ZFHX3: variants seen among roughly 807,000 people sequenced by gnomAD.
ZFHX3 encodes the protein zinc finger homeobox 3.
A neutral mutation model predicts 279.1 loss-of-function variants in ZFHX3; 42 were observed. The ratio of observed to expected loss-of-function variants is 0.15; its 90% confidence interval spans 0.12 to 0.19. The LOEUF (loss-of-function observed/expected upper bound fraction) is 0.19, where lower values mean the gene tolerates loss of function less well. Ranked by LOEUF, ZFHX3 falls within the 10% of genes least tolerant of loss-of-function variation. The pLI is 1.00. For synonymous variants in ZFHX3, 2,293 were observed against 1,957.8 expected (o/e 1.17, Z -4.52); for missense variants, 4,981 against 4,754.0 (o/e 1.05, Z -1.40).
At chr16:73,737,514 C>A (rs2053619661) in intron 1 of ZFHX3, among the ~76,000 whole-genome samples, 1 of 152,160 alleles carries the variant, frequency 6.6e-6, no homozygotes, top group African/African-American at 2.4e-5. Flanking sequence ...ATTTTACCAT[C>A]ATGAAGAGTA....
intron 1 of ZFHX3, among the ~76,000 whole-genome samples, chr16:73,737,632 C>G (rs901775611): frequency 6.6e-6 from 1 of 152,016 alleles, no homozygotes; most frequent in African/African-American, 2.4e-5. Context: ...TCTGTGAAGG[C>G]CCCATCTACC....
At chr16:73,013,592 A>C (rs1353649906) in intron 1 of ZFHX3, among the ~76,000 whole-genome samples, 2 of 151,760 alleles carry the variant, frequency 1.3e-5, no homozygotes, top group Non-Finnish European at 1.5e-5. Context: ...CTGGCCAAAA[A>C]CCCTTTATAA....
chr16:72,942,808 T>A (rs767107013), intron 3 of ZFHX3, among the ~76,000 whole-genome samples: 1 of 152,196 alleles, frequency 6.6e-6, no homozygotes, highest in Non-Finnish European at 1.5e-5. Context: ...CAGCTCCTCT[T>A]TGCAGACTCT....
chr16:73,483,306 A>G, intron 2 of ZFHX3: 1 of 446,538 alleles, frequency 2.2e-6, no homozygotes. Flanking sequence ...TCCGAGAGAG[A>G]GCGAGAGACC....
chr16:73,424,580 A>AG (rs2017776451), intron 3 of ZFHX3, among the ~76,000 whole-genome samples: 3 of 151,972 alleles, frequency 2.0e-5, no homozygotes. Context: ...CCCTGTCTCT[A>AG]CAAAAAATGA....
rs116419933 is a variant in ZFHX3, at chr16:73,278,204, A to G, written c.-1193-21068T>C. Reference sequence around the variant, plus strand: ...CCAAGGAAGAAGTTTCTCAAACTAAATAATTATACTGATATTCTCCTAAGT... The same window carrying G: ...CCAAGGAAGAAGTTTCTCAAACTAAGTAATTATACTGATATTCTCCTAAGT... On this transcript the variant is annotated intron_variant, in intron 4 of 17. Transcript: ENST00000641206. Among the ~76,000 whole-genome samples the G allele has an allele frequency of 5.1e-3, 776 of 152,356 alleles. 10 individuals carry two copies. Among genetic ancestry groups the G allele is most frequent in the African/African-American group, 0.017 (708 of 41,590 alleles).
chr16:73,763,755 T>G (rs2053897099), intron 1 of ZFHX3, among the ~76,000 whole-genome samples: 1 of 152,072 alleles, frequency 6.6e-6, no homozygotes, highest in African/African-American at 2.4e-5. Context: ...CAAAAGAGAT[T>G]ATCATAGGTG....
At chr16:73,448,823 T>A (rs543783211) in intron 3 of ZFHX3, among the ~76,000 whole-genome samples, 1 of 152,068 alleles carries the variant, frequency 6.6e-6, no homozygotes, top group East Asian at 1.9e-4. Context: ...CTAATATGAA[T>A]TTTTTGATCC....
intron 2 of ZFHX3, among the ~76,000 whole-genome samples, chr16:73,477,003 A>G (rs1028501031): frequency 3.9e-5 from 6 of 152,234 alleles, no homozygotes; most frequent in African/African-American, 1.2e-4. Flanking sequence ...CTTCTGTCTC[A>G]AATGCCAATA....
intron 3 of ZFHX3, among the ~76,000 whole-genome samples, chr16:72,947,447 A>C (rs1960740400): frequency 6.6e-6 from 1 of 152,244 alleles, no homozygotes; most frequent in East Asian, 1.9e-4. Flanking sequence ...CGTGACAGCA[A>C]GGGCAGTGAC....
At chr16:73,666,148 G>C (rs1597055623) in intron 2 of ZFHX3, among the ~76,000 whole-genome samples, 1 of 151,836 alleles carries the variant, frequency 6.6e-6, no homozygotes, top group East Asian at 1.9e-4. Flanking sequence ...AGCGACCTGA[G>C]TGGCAGTTTG....
intron 8 of ZFHX3, among the ~76,000 whole-genome samples, chr16:73,076,588 T>C (rs1325431430): frequency 1.3e-5 from 2 of 152,216 alleles, no homozygotes; most frequent in Non-Finnish European, 2.9e-5. Flanking sequence ...ATAAAAGTAA[T>C]ATCATCACTG....
chr16:73,154,920 T>C (rs563953631), intron 5 of ZFHX3, among the ~76,000 whole-genome samples: 1 of 152,180 alleles, frequency 6.6e-6, no homozygotes, highest in African/African-American at 2.4e-5. Flanking sequence ...ACGTCTGTAA[T>C]CCTAGCACTT....
At chr16:73,579,084 G>A (rs1014489097) in intron 2 of ZFHX3, among the ~76,000 whole-genome samples, 1 of 152,174 alleles carries the variant, frequency 6.6e-6, no homozygotes, top group African/African-American at 2.4e-5. Flanking sequence ...CCCGCACCTG[G>A]AAGCTTCATC....
chr16:73,848,285 A>C (rs1327660422), intron 1 of ZFHX3, among the ~76,000 whole-genome samples: 1 of 152,010 alleles, frequency 6.6e-6, no homozygotes, highest in Non-Finnish European at 1.5e-5. Flanking sequence ...TCTTAGGAGC[A>C]CTCAGGAGCT....
intron 8 of ZFHX3, among the ~76,000 whole-genome samples, chr16:73,085,163 A>G (rs1255507262): frequency 1.3e-5 from 2 of 152,222 alleles, no homozygotes; most frequent in Non-Finnish European, 2.9e-5. Context: ...AGTAACCAAA[A>G]CAGCATGGTA....
Position 73,322,166 on chromosome 16 carries a change from T to G in ZFHX3, c.-1290-3830A>C, listed in dbSNP as rs147053458. Among the ~76,000 whole-genome samples the G allele has an allele frequency of 5.7e-4, 87 of 152,180 alleles. 1 individual carries two copies. Among genetic ancestry groups the G allele is most frequent in the African/African-American group, 2.0e-3 (84 of 41,520 alleles). On this transcript the variant is annotated intron_variant, in intron 3 of 17. Coordinates refer to the ZFHX3 transcript ENST00000641206. ...AGGAAGGCTGGGCCCCTGACCTGCC[T>G]GGTCCACCAGCCTGGTCTGCATAAT...
At chr16:73,745,259 TTGTTTCATAATA>T (rs2053693556) in intron 1 of ZFHX3, among the ~76,000 whole-genome samples, 1 of 152,216 alleles carries the variant, frequency 6.6e-6, no homozygotes, top group Non-Finnish European at 1.5e-5. Context: ...AGCCTAGTAG[TTGTTTCATAATA>T]TGTTGACTTC....
At chr16:73,568,651 A>G (rs925562396) in intron 2 of ZFHX3, among the ~76,000 whole-genome samples, 1 of 152,204 alleles carries the variant, frequency 6.6e-6, no homozygotes, top group Non-Finnish European at 1.5e-5. Context: ...CCCACCGGGT[A>G]AGTCCAGGTG....
Sources: allele counts gnomAD v4.1 joint callset (sites outside exome capture counted in the v4.1 genomes callset), GRCh38; gene constraint gnomAD v4.1.1; transcripts MANE v1.5; gene names NCBI Gene and HGNC (gene_info 2026-07-23, HGNC 2026-07-21).